HOTAIR: variants seen among roughly 807,000 people sequenced by gnomAD.
The protein encoded by HOTAIR is HOX transcript antisense RNA (non-protein coding).
At chr12:53,967,580 G>A (rs1364233004) in intron 2 of HOTAIR, among the ~76,000 whole-genome samples, 1 of 152,236 alleles carries the variant, frequency 6.6e-6, no homozygotes, top group East Asian at 1.9e-4. Context: ...GGCTGGAGGG[G>A]TAGCCGGGAA....
intron 1 of HOTAIR, among the ~76,000 whole-genome samples, chr12:53,974,192 A>C (rs1329851913): frequency 6.6e-6 from 1 of 152,048 alleles, no homozygotes; most frequent in Non-Finnish European, 1.5e-5. Context: ...CTCCCCCGTT[A>C]TCTCCCTCGG....
Position 53,963,717 on chromosome 12 carries a change from T to C in HOTAIR, n.1012A>G, listed in dbSNP as rs1047222833. 2.0e-5 allele frequency: 3 copies of C among 152,176 alleles called. No individual in the cohort carries two copies. In the East Asian group the frequency reaches 5.8e-4, roughly 29 times the overall value. 9.4% of individuals were successfully genotyped at this position (152,176 alleles called of 1,614,324 possible). On this transcript the variant is annotated non_coding_transcript_exon_variant, in exon 7 of 7. Transcript: ENST00000424518. The stretch of plus-strand genomic sequence containing the variant: ...GATAAGAAGAGCAAGGAAGCCCCGG[T>C]GGCCGCGAGGGGCGGGGCTTGGTGG...
intron 5 of HOTAIR, among the ~76,000 whole-genome samples, chr12:53,964,608 G>C (rs1241108563): frequency 6.6e-6 from 1 of 152,162 alleles, no homozygotes; most frequent in East Asian, 1.9e-4. Flanking sequence ...TGGTATTCCA[G>C]GAAGAATTCA....
At chr12:53,974,111 C>G (rs1777156290) in intron 1 of HOTAIR, among the ~76,000 whole-genome samples, 1 of 151,866 alleles carries the variant, frequency 6.6e-6, no homozygotes, top group African/African-American at 2.4e-5. Context: ...CCCAACGACT[C>G]GACTTTTTAC....
In HOTAIR at chr12:53,973,436, C is replaced by A. The variant is rs1939184932; in HGVS notation, n.59+1462G>T. On this transcript the variant is annotated intron_variant and non_coding_transcript_variant, in intron 1 of 6. Coordinates refer to ENST00000424518, the Ensembl canonical transcript of HOTAIR. This position sits in a 1 kb window ranked among gnomAD's most constrained non-coding sequence, Gnocchi z 4.3. Reference sequence around the variant, plus strand: ...GTCAGATCTCCTATCCCTACTCGGCCCAAGTGCCCCCGGTCCGGGAGGTCT... The same window carrying A: ...GTCAGATCTCCTATCCCTACTCGGCACAAGTGCCCCCGGTCCGGGAGGTCT... The A allele has an allele frequency of 6.2e-7, 1 of 1,614,090 alleles. No individual in the cohort carries two copies. Among genetic ancestry groups the A allele is most frequent in the Admixed American group, 1.7e-5 (1 of 60,014 alleles).
intron 1 of HOTAIR, among the ~76,000 whole-genome samples, chr12:53,974,709 C>G (rs1435982070): frequency 6.6e-6 from 1 of 151,810 alleles, no homozygotes; most frequent in East Asian, 2.0e-4. Flanking sequence ...GTCTCGGTGC[C>G]TGCTGGCCGG....
chr12:53,970,638 C>T (rs1452197943), intron 1 of HOTAIR, among the ~76,000 whole-genome samples: 1 of 152,216 alleles, frequency 6.6e-6, no homozygotes, highest in Non-Finnish European at 1.5e-5. Context: ...GAGACCCCAG[C>T]GTTTCCTAGA....
Position 53,973,481 on chromosome 12 carries a change from CG to C in HOTAIR, n.59+1416del. 1 of 1,614,146 alleles carries C rather than the reference CG, an allele frequency of 6.2e-7. No homozygotes were observed. The highest frequency in any genetic ancestry group is 8.5e-7 in the Non-Finnish European group (1 of 1,180,032). The stretch of plus-strand genomic sequence containing the variant: ...AGGTCTCCTACGGCCTGGAGCCATC[CG>C]GCAAGTGGCACCATCGGAACAGCTA... On this transcript the variant is annotated intron_variant and non_coding_transcript_variant, in intron 1 of 6. Transcript: ENST00000424518. This position sits in a 1 kb window ranked among gnomAD's most constrained non-coding sequence, Gnocchi z 4.3.
At chr12:53,966,448 G>A (rs920778) in intron 3 of HOTAIR, 87,635 of 152,326 alleles carry the variant, frequency 0.58, 26,448 homozygotes, top group East Asian at 0.72. Flanking sequence ...TGAATGTTAC[G>A]GTTTCCTTCA....
rs747597294 is a variant in HOTAIR at position 53,973,575 on chromosome 12, G to C, written n.59+1323C>G. The C allele has an allele frequency of 3.1e-6, 5 of 1,613,082 alleles. No individual in the cohort carries two copies. Among genetic ancestry groups the C allele is most frequent in the South Asian group, 1.1e-5 (1 of 91,066 alleles). ...GTGCCTGCCTCCTTCCACCGTCACC[G>C]AGATCCTCATGAAAAACGAAGGCTC... is the stretch of plus-strand genomic sequence containing the variant. On this transcript the variant is annotated intron_variant and non_coding_transcript_variant, in intron 1 of 6. Transcript: ENST00000424518. The surrounding 1 kb of genome is among the most constrained non-coding windows in gnomAD (Gnocchi z 4.3).
At chr12:53,966,578 A>C (rs1939058637) in intron 3 of HOTAIR, 1 of 152,232 alleles carries the variant, frequency 6.6e-6, no homozygotes, top group Non-Finnish European at 1.5e-5. Context: ...AAAGGGGGAG[A>C]AGCAGGAAAG....
intron 1 of HOTAIR, chr12:53,968,923 T>C (rs555330145): frequency 2.6e-4 from 39 of 152,394 alleles, no homozygotes; most frequent in African/African-American, 8.9e-4. Flanking sequence ...AGCTGTTTGT[T>C]CCCTTTTGCA....
At chr12:53,972,308 T>C (rs1040513668) in intron 1 of HOTAIR, among the ~76,000 whole-genome samples, 18 of 152,218 alleles carry the variant, frequency 1.2e-4, no homozygotes, top group Non-Finnish European at 2.1e-4. Context: ...TTTCTTCACA[T>C]TGATTGACAA....
chr12:53,973,680 C>T lies in HOTAIR; in HGVS notation n.59+1218G>A, dbSNP rs1052515176. On this transcript the variant is annotated intron_variant and non_coding_transcript_variant, in intron 1 of 6. Coordinates refer to ENST00000424518, the Ensembl canonical transcript of HOTAIR. This position sits in a 1 kb window ranked among gnomAD's most constrained non-coding sequence, Gnocchi z 4.3. ...CTCCTCAGTCAACAAGAACAGCGTC[C>T]TGCCTCAAGCCTTCGACCGTTTCTT... 9 of 1,613,752 alleles carry T rather than the reference C, an allele frequency of 5.6e-6. No homozygotes were observed. The highest frequency in any genetic ancestry group is 7.6e-6 in the Non-Finnish European group (9 of 1,180,030).
At chr12:53,963,200 C>T (rs1379385708) in exon 7 of HOTAIR, 7 of 152,270 alleles carry the variant, frequency 4.6e-5, no homozygotes, top group African/African-American at 1.7e-4. Flanking sequence ...CAGCTCAAGT[C>T]CCCTGCATCC....
At chr12:53,971,356 C>T (rs1478232122) in intron 1 of HOTAIR, among the ~76,000 whole-genome samples, 6 of 152,126 alleles carry the variant, frequency 3.9e-5, no homozygotes, top group Non-Finnish European at 8.8e-5. Context: ...GAGAATGGGA[C>T]CCATGGTGGA....
chr12:53,973,290 G>A lies in HOTAIR; in HGVS notation n.59+1608C>T. 1 of 1,613,816 alleles carries A rather than the reference G, an allele frequency of 6.2e-7. No homozygotes were observed. Among genetic ancestry groups the A allele is most frequent in the Non-Finnish European group, 8.5e-7 (1 of 1,179,994 alleles). On this transcript the variant is annotated intron_variant and non_coding_transcript_variant, in intron 1 of 6. Transcript: ENST00000424518. This position sits in a 1 kb window ranked among gnomAD's most constrained non-coding sequence, Gnocchi z 4.3. ...CAACTTCTGCTCTCCGTCGCGCAAGGAGAGGGGCGCAGATTTCGGCGAGCG... is the reference window on the plus strand; with the variant it reads ...CAACTTCTGCTCTCCGTCGCGCAAGAAGAGGGGCGCAGATTTCGGCGAGCG...
intron 1 of HOTAIR, among the ~76,000 whole-genome samples, chr12:53,969,350 T>G (rs1393621402): frequency 6.6e-6 from 1 of 152,060 alleles, no homozygotes; most frequent in South Asian, 2.1e-4. Flanking sequence ...GGAAGCTGGG[T>G]GGGGCCTGTG....
In HOTAIR at chr12:53,974,000, C is replaced by A; in HGVS notation, n.59+898G>T. 1 of 1,267,160 alleles carries A rather than the reference C, an allele frequency of 7.9e-7. No individual in the cohort carries two copies. The highest frequency in any genetic ancestry group is 1.0e-6 in the Non-Finnish European group (1 of 952,778). The allele number at this position is 1,267,160 out of a possible 1,614,324, so 78.5% of individuals were successfully genotyped here. On this transcript the variant is annotated intron_variant and non_coding_transcript_variant, in intron 1 of 6. Transcript: ENST00000424518. The surrounding 1 kb of genome is among the most constrained non-coding windows in gnomAD (Gnocchi z 4.3). The stretch of plus-strand genomic sequence containing the variant: ...AGGGAGGGCGAGAGAAGGGGGGAGG[C>A]AAGGGGAGCGGGGACGGCCTCGTGT...
Sources: gnomAD v4.1 joint callset for allele counts (sites outside exome capture counted in the v4.1 genomes callset) on GRCh38, gnomAD v4.1.1 for gene constraint, Gnocchi (gnomAD v3.1) non-coding constraint, MANE v1.5 for transcripts, NCBI Gene and HGNC (gene_info 2026-07-23, HGNC 2026-07-21) for gene names.